The following USP15 variants were observed in gnomAD, a reference collection of about 807,000 sequenced individuals.
The protein encoded by USP15 is ubiquitin carboxyl-terminal hydrolase 15.
In USP15, 18 loss-of-function variants were observed where a neutral mutation model predicts 127.1. The observed-to-expected ratio is 0.14, with a 90% confidence interval of 0.10 to 0.21. USP15 has a LOEUF of 0.21. USP15 is among the 10% of genes least tolerant of loss of function. The probability of loss-of-function intolerance (pLI) is 1.00; values close to 1 mark genes in which losing one functional copy is unlikely to be tolerated. For synonymous variants in USP15, 364 were observed against 393.7 expected (o/e 0.92, Z 0.89); for missense variants, 805 against 1,159.9 (o/e 0.69, Z 4.44).
chr12:62,321,683 C>A (rs1004297473), intron 5 of USP15, 74 bp downstream of exon 5: 3 of 1,272,718 alleles, frequency 2.4e-6, no homozygotes, highest in African/African-American at 3.1e-5. Context: ...ATTATCCTGG[C>A]AATATATAAT....
intron 19 of USP15, 140 bp from the exon 20 acceptor site, chr12:62,396,155 T>G (rs2067485192): frequency 7.8e-6 from 2 of 256,100 alleles, no homozygotes; most frequent in Admixed American, 5.3e-5. Context: ...CTTAGTGAGA[T>G]ATATATATAT....
chr12:62,360,406 A>T (rs965010434), intron 8 of USP15, among the ~76,000 whole-genome samples: 2 of 152,094 alleles, frequency 1.3e-5, no homozygotes, highest in Non-Finnish European at 2.9e-5. Flanking sequence ...GAAAGTTTAA[A>T]CTTTTTTAAA....
At chr12:62,311,525 T>C (rs1047695056) in intron 3 of USP15, among the ~76,000 whole-genome samples, 5 of 151,768 alleles carry the variant, frequency 3.3e-5, no homozygotes, top group Admixed American at 1.3e-4. Flanking sequence ...ATGGGGGTTG[T>C]TGTGTTCCGG....
chr12:62,333,165 T>G (rs2065354668), intron 6 of USP15, among the ~76,000 whole-genome samples: 1 of 152,242 alleles, frequency 6.6e-6, no homozygotes, highest in African/African-American at 2.4e-5. Context: ...TCTTTATTCC[T>G]TGTCATTCAG....
chr12:62,364,201 A>G (rs980241280), intron 8 of USP15, among the ~76,000 whole-genome samples: 5 of 152,180 alleles, frequency 3.3e-5, no homozygotes, highest in African/African-American at 1.2e-4. Flanking sequence ...TTCGTTTGCA[A>G]TAGGAGGAAA....
In USP15 at chr12:62,285,106, C is replaced by G. The variant is rs149746363; in HGVS notation, c.90-9073C>G. Among the ~76,000 whole-genome samples, 545 of 152,154 alleles carry G rather than the reference C, an allele frequency of 3.6e-3. 2 individuals carry two copies. Among genetic ancestry groups the G allele is most frequent in the African/African-American group, 0.012 (508 of 41,504 alleles). On this transcript the variant is annotated intron_variant, in intron 1 of 21. Coordinates refer to ENST00000280377, the MANE Select transcript of USP15 (RefSeq NM_001252078.2). ...AGGTTTTAAGAGTTGATTATACTTT[C>G]TATTAATATTTTTATAGATTTAGGG...
At chr12:62,289,494 CTTCTT>C (rs1349393312) in intron 1 of USP15, among the ~76,000 whole-genome samples, 2 of 151,976 alleles carry the variant, frequency 1.3e-5, no homozygotes, top group Non-Finnish European at 2.9e-5. Context: ...AATCTTCTCT[CTTCTT>C]GGTTAGTCTA....
intron 1 of USP15, among the ~76,000 whole-genome samples, chr12:62,291,033 T>C (rs1172162045): frequency 6.6e-6 from 1 of 152,212 alleles, no homozygotes. Context: ...GCTTTTCTCT[T>C]GCTGAGACCA....
chr12:62,296,345 G>A (rs973064016), intron 2 of USP15, among the ~76,000 whole-genome samples: 19 of 152,196 alleles, frequency 1.2e-4, no homozygotes, highest in Admixed American at 3.9e-4. Flanking sequence ...CTAATAAATC[G>A]GTGATGTTTA....
At chr12:62,327,844 GA>G in intron 6 of USP15, 1 of 260,732 alleles carries the variant, frequency 3.8e-6, no homozygotes, top group South Asian at 3.6e-5. Context: ...TCTACTAGTT[GA>G]ATAAGGATGC....
At chr12:62,325,341 G>A (rs1318783212) in intron 5 of USP15, among the ~76,000 whole-genome samples, 1 of 151,932 alleles carries the variant, frequency 6.6e-6, no homozygotes, top group Non-Finnish European at 1.5e-5. Context: ...AATTTCCATT[G>A]TGATAATGTA....
chr12:62,336,416 G>A (rs1021218044), intron 6 of USP15: 2 of 985,308 alleles, frequency 2.0e-6, no homozygotes, highest in African/African-American at 3.5e-5. Context: ...TCCTCCTCCA[G>A]CCTTTCTTCT....
At chr12:62,265,843 A>G (rs1200162236) in intron 1 of USP15, among the ~76,000 whole-genome samples, 1 of 152,210 alleles carries the variant, frequency 6.6e-6, no homozygotes, top group Admixed American at 6.5e-5. Context: ...GTGAACCCCT[A>G]TGCCCAGCCT....
intron 1 of USP15, among the ~76,000 whole-genome samples, chr12:62,272,488 G>A (rs1290340845): frequency 1.3e-5 from 2 of 151,794 alleles, no homozygotes; most frequent in Non-Finnish European, 2.9e-5. Context: ...CTACCTCTCT[G>A]GTTTCCTAAA....
chr12:62,326,335 A>G (rs907156254), intron 6 of USP15, among the ~76,000 whole-genome samples: 4 of 152,188 alleles, frequency 2.6e-5, no homozygotes, highest in Non-Finnish European at 5.9e-5. Flanking sequence ...AGAATAAAAA[A>G]GAACAAATAG....
chr12:62,285,761 C>G (rs566183484), intron 1 of USP15, among the ~76,000 whole-genome samples: 1 of 152,224 alleles, frequency 6.6e-6, no homozygotes, highest in South Asian at 2.1e-4. Flanking sequence ...GTGCAGGTGT[C>G]TTTTTGATAG....
At chr12:62,336,549 G>A in intron 6 of USP15, 1 of 904,906 alleles carries the variant, frequency 1.1e-6, no homozygotes, top group Non-Finnish European at 1.3e-6. Flanking sequence ...ATGGGTTATA[G>A]CTGTTAATAT....
chr12:62,314,004 T>C (rs2064758160), intron 3 of USP15: 1 of 898,008 alleles, frequency 1.1e-6, no homozygotes, highest in African/African-American at 1.8e-5. Context: ...ACAGTATTCA[T>C]GACTGAAATC....
intron 1 of USP15, among the ~76,000 whole-genome samples, chr12:62,287,487 A>T (rs896837893): frequency 1.3e-5 from 2 of 152,174 alleles, no homozygotes; most frequent in African/African-American, 4.8e-5. Flanking sequence ...TGTTGGAGGC[A>T]TAGATTACAG....
Sources: gnomAD v4.1 joint callset for allele counts (sites outside exome capture counted in the v4.1 genomes callset) on GRCh38, gnomAD v4.1.1 for gene constraint, MANE v1.5 for transcripts, NCBI Gene and HGNC (gene_info 2026-07-23, HGNC 2026-07-21) for gene names.